GRIP1: variants seen among roughly 807,000 people sequenced by gnomAD.
GRIP1 encodes the protein glutamate receptor interacting protein 1.
GRIP1 carries 45 observed loss-of-function variants against 129.9 expected under a neutral mutation model. The ratio of observed to expected loss-of-function variants is 0.35; its 90% CI spans 0.27 to 0.44. The LOEUF (loss-of-function observed/expected upper bound fraction) is 0.44. GRIP1 is among the 20% of genes least tolerant of loss of function. The pLI is 1.00. For missense variants in GRIP1, 1,196 were observed against 1,396.8 expected (o/e 0.86, Z 2.29); for synonymous variants, 530 against 520.8 (o/e 1.02, Z -0.24).
chr12:66,779,089 T>G (rs940414993), intron 1 of GRIP1, among the ~76,000 whole-genome samples: 2 of 152,200 alleles, frequency 1.3e-5, no homozygotes, highest in Non-Finnish European at 1.5e-5. Flanking sequence ...TCAATAAAGA[T>G]GAAGTGCTAT....
intron 7 of GRIP1, among the ~76,000 whole-genome samples, chr12:66,486,689 A>C (rs1167862893): frequency 6.6e-6 from 1 of 152,184 alleles, no homozygotes; most frequent in East Asian, 1.9e-4. Context: ...CTGTAAGTCC[A>C]GTTAAACCTC....
At position 66,541,698 on chromosome 12, in the gene GRIP1, T is replaced by C. The variant is rs571946596; in HGVS notation, c.272+117A>G. On this transcript the variant is annotated intron_variant, in intron 3 of 24. Coordinates refer to ENST00000359742, the MANE Select transcript of GRIP1 (RefSeq NM_001366722.1). The stretch of plus-strand genomic sequence containing the variant: ...CCACTGTGCTTCTGCTGGCCTGTGC[T>C]GCCTGGCAGATGGCAGCTGTCATTT... 58 of 1,079,834 alleles carry C rather than the reference T, an allele frequency of 5.4e-5. No individual in the cohort carries two copies. In the African/African-American group the frequency reaches 8.3e-4, roughly 15 times the overall value. The allele number at this position is 1,079,834 out of a possible 1,614,324, so 66.9% of individuals were successfully genotyped here. A position where few individuals can be genotyped will look rare whatever the true frequency, so the allele number is the denominator to read the frequency against.
At position 66,851,060 on chromosome 12, in the gene GRIP1, T is replaced by C. The variant is rs138653385; in HGVS notation, c.58+217990A>G. Among the ~76,000 whole-genome samples the C allele has an allele frequency of 1.4e-4, 21 of 151,404 alleles. No individual in the cohort carries two copies. In the East Asian group the frequency reaches 4.1e-3, roughly 29 times the overall value. On this transcript the variant is annotated intron_variant, in intron 1 of 1. Coordinates refer to the GRIP1 transcript ENST00000643019. ...TTTGAGGTAAATACTCAGCAAATAG[T>C]AGGCGCTGAATAAATGTCAGTTTTC... is the stretch of plus-strand genomic sequence containing the variant.
chr12:66,794,301 T>C (rs1157829734), intron 1 of GRIP1, among the ~76,000 whole-genome samples: 1 of 152,218 alleles, frequency 6.6e-6, no homozygotes, highest in Non-Finnish European at 1.5e-5. Flanking sequence ...ATCAGTCTTC[T>C]TCACAGCTTT....
At chr12:66,594,873 C>T (rs1049587000) in intron 2 of GRIP1, among the ~76,000 whole-genome samples, 2 of 152,130 alleles carry the variant, frequency 1.3e-5, no homozygotes, top group African/African-American at 4.8e-5. Flanking sequence ...TTTGCCAGAA[C>T]AAAAGTTCAT....
chr12:66,602,949 C>T (rs189458645), intron 1 of GRIP1, among the ~76,000 whole-genome samples: 35 of 143,848 alleles, frequency 2.4e-4, no homozygotes, highest in Non-Finnish European at 1.4e-4. Flanking sequence ...GCCTCAAACT[C>T]CTGAGCTCAA....
intron 1 of GRIP1, among the ~76,000 whole-genome samples, chr12:66,994,296 G>C (rs12427045): frequency 0.29 from 44,019 of 151,650 alleles, 7,522 homozygotes; most frequent in Non-Finnish European, 0.38. Flanking sequence ...ATTATATCAT[G>C]ACCAAGGGGA....
intron 15 of GRIP1, among the ~76,000 whole-genome samples, chr12:66,413,026 C>G (rs913418163): frequency 6.6e-6 from 1 of 152,068 alleles, no homozygotes; most frequent in Non-Finnish European, 1.5e-5. Flanking sequence ...TGTAACACCC[C>G]GCTGACAATA....
intron 23 of GRIP1, among the ~76,000 whole-genome samples, chr12:66,366,844 C>T (rs901609188): frequency 1.7e-4 from 20 of 118,608 alleles, no homozygotes; most frequent in African/African-American, 5.1e-4. Flanking sequence ...CCACCACGCC[C>T]GGCTAATTTT....
chr12:67,038,614 G>A (rs1219812107), intron 1 of GRIP1, among the ~76,000 whole-genome samples: 1 of 152,090 alleles, frequency 6.6e-6, no homozygotes, highest in East Asian at 1.9e-4. Context: ...GTTTACATTT[G>A]TATAAGCTTA....
chr12:66,640,263 G>A (rs904963812), intron 1 of GRIP1, among the ~76,000 whole-genome samples: 1 of 152,202 alleles, frequency 6.6e-6, no homozygotes, highest in African/African-American at 2.4e-5. Flanking sequence ...ATTCAGAATA[G>A]ATACCAGGCC....
chr12:66,438,500 T>G (rs2058377245), intron 13 of GRIP1, among the ~76,000 whole-genome samples: 1 of 143,928 alleles, frequency 6.9e-6, no homozygotes, highest in South Asian at 2.4e-4. Flanking sequence ...TATTTTTTTT[T>G]TTTTTGAGAC....
intron 1 of GRIP1, among the ~76,000 whole-genome samples, chr12:66,753,176 T>A (rs1384306613): frequency 6.6e-6 from 1 of 152,178 alleles, no homozygotes; most frequent in African/African-American, 2.4e-5. Flanking sequence ...CATTTCTCAA[T>A]GTAAAATAAT....
chr12:66,476,761 A>T (rs1214056155), intron 7 of GRIP1, among the ~76,000 whole-genome samples: 1 of 152,204 alleles, frequency 6.6e-6, no homozygotes, highest in African/African-American at 2.4e-5. Context: ...ATATAAACAG[A>T]ACCAAAGACA....
chr12:66,979,393 C>T (rs777888024), intron 1 of GRIP1, among the ~76,000 whole-genome samples: 1 of 151,450 alleles, frequency 6.6e-6, no homozygotes, highest in African/African-American at 2.4e-5. Context: ...AATGAGTTGG[C>T]TTCCCTAGTT....
chr12:66,767,174 T>G (rs2037666783), intron 1 of GRIP1, among the ~76,000 whole-genome samples: 1 of 152,228 alleles, frequency 6.6e-6, no homozygotes, highest in Non-Finnish European at 1.5e-5. Flanking sequence ...ATGTAAATGC[T>G]TTTATTTTAT....
chr12:66,924,976 GA>G (rs1215535683), intron 1 of GRIP1, among the ~76,000 whole-genome samples: 5 of 151,238 alleles, frequency 3.3e-5, no homozygotes, highest in Admixed American at 2.0e-4. Flanking sequence ...TCTCAAAAAA[GA>G]AAAAAAATTA....
chr12:66,489,502 C>T (rs980108645), intron 7 of GRIP1, among the ~76,000 whole-genome samples: 4 of 152,070 alleles, frequency 2.6e-5, no homozygotes, highest in African/African-American at 9.7e-5. Context: ...AACCCATGGC[C>T]AATATCATAC....
intron 1 of GRIP1, among the ~76,000 whole-genome samples, chr12:66,961,226 A>G (rs558888216): frequency 2.0e-5 from 3 of 152,194 alleles, no homozygotes; most frequent in African/African-American, 7.2e-5. Flanking sequence ...ACGGAGGAGG[A>G]GCAAACAAAA....
Sources: gnomAD v4.1 joint callset for allele counts (sites outside exome capture counted in the v4.1 genomes callset) on GRCh38, gnomAD v4.1.1 for gene constraint, MANE v1.5 for transcripts, NCBI Gene and HGNC (gene_info 2026-07-23, HGNC 2026-07-21) for gene names.